Variants in TESK2 observed in about 807,000 individuals in gnomAD.
TESK2 encodes dual specificity testis-specific protein kinase 2.
In TESK2, 39 loss-of-function variants were observed where a neutral mutation model predicts 57.1. That is an observed-to-expected ratio of 0.68 (90% CI 0.53 to 0.89). The LOEUF (loss-of-function observed/expected upper bound fraction) is 0.89, where lower values mean the gene tolerates loss of function less well. Ranked by LOEUF, TESK2 falls within the 40% of genes least tolerant of loss-of-function variation. The probability of loss-of-function intolerance (pLI) is 0.00; values close to 1 mark genes in which losing one functional copy is unlikely to be tolerated. For missense variants in TESK2, 646 were observed against 732.1 expected, an observed-to-expected ratio of 0.88 and a Z score of 1.36; for synonymous variants, 249 against 267.9, an observed-to-expected ratio of 0.93 and a Z score of 0.69.
intron 1 of TESK2, among the ~76,000 whole-genome samples, chr1:45,465,041 G>A (rs540831788): frequency 7.9e-5 from 12 of 151,782 alleles, no homozygotes; most frequent in East Asian, 1.9e-4. Context: ...GTTCGAGACC[G>A]GCCTGGCCAA....
intron 1 of TESK2, among the ~76,000 whole-genome samples, chr1:45,460,413 G>C (rs1570753053): frequency 6.6e-6 from 1 of 151,976 alleles, no homozygotes; most frequent in East Asian, 1.9e-4. Flanking sequence ...CCAGCTACTC[G>C]GGAAGCTGAG....
At chr1:45,487,049 G>A (rs1169392234) in intron 1 of TESK2, among the ~76,000 whole-genome samples, 4 of 151,444 alleles carry the variant, frequency 2.6e-5, no homozygotes, top group Non-Finnish European at 5.9e-5. Flanking sequence ...GGCTAGTCTC[G>A]AACTCCTGAC....
At chr1:45,411,755 G>A (rs1176472004) in intron 3 of TESK2, among the ~76,000 whole-genome samples, 1 of 152,178 alleles carries the variant, frequency 6.6e-6, no homozygotes, top group Non-Finnish European at 1.5e-5. Context: ...TGATTTAAGT[G>A]ATAACTGCCT....
chr1:45,375,385 T>C (rs1041205530), intron 4 of TESK2, among the ~76,000 whole-genome samples: 2 of 150,490 alleles, frequency 1.3e-5, no homozygotes, highest in Admixed American at 1.3e-4. Context: ...TCCAACTACC[T>C]AGAACACTTT....
chr1:45,404,809 C>T lies in TESK2; in HGVS notation c.344+16916G>A, dbSNP rs570274199. Among the ~76,000 whole-genome samples the T allele has an allele frequency of 8.5e-5, 13 of 152,128 alleles. No individual in the cohort carries two copies. In the South Asian group the frequency reaches 1.7e-3, roughly 19 times the overall value. ...CTGCCCACCTTGGCCTCCCAAAGTACTAGGATTACAGGCCTGAGCCACCAC... is the reference window on the plus strand; with the variant it reads ...CTGCCCACCTTGGCCTCCCAAAGTATTAGGATTACAGGCCTGAGCCACCAC... On this transcript the variant is annotated intron_variant, in intron 3 of 10. Transcript: ENST00000372086.
rs5773871 is a variant in TESK2 at position 45,394,679 on chromosome 1, C to CTTT, written c.345-8722_345-8720dup. 7.9e-3 allele frequency among the ~76,000 whole-genome samples: 452 copies of CTTT among 57,404 alleles called. 44 individuals carry two copies. Among genetic ancestry groups the CTTT allele is most frequent in the African/African-American group, 0.024 (328 of 13,518 alleles). 37.7% of individuals were successfully genotyped at this position (57,404 alleles called of 152,430 possible). On this transcript the variant is annotated intron_variant, in intron 3 of 10. Transcript: ENST00000372086. The stretch of plus-strand genomic sequence containing the variant: ...AAGATAGTAAGACCAACAGGAAACT[C>CTTT]TTTTTTTTTTTTTTTTTTTTTTTTT...
At chr1:45,415,064 C>A (rs1338697351) in intron 3 of TESK2, 1 of 1,306,852 alleles carries the variant, frequency 7.7e-7, no homozygotes, top group Non-Finnish European at 1.1e-6. Context: ...AGTCAAACAG[C>A]GAGCCCTTGG....
chr1:45,379,435 G>T (rs569892773), intron 4 of TESK2, among the ~76,000 whole-genome samples: 16 of 152,238 alleles, frequency 1.1e-4, no homozygotes, highest in African/African-American at 3.9e-4. Flanking sequence ...CAAAGTGCTG[G>T]GGTCACAGGT....
intron 2 of TESK2, among the ~76,000 whole-genome samples, chr1:45,438,120 C>A (rs1395790977): frequency 3.3e-5 from 5 of 152,200 alleles, no homozygotes; most frequent in African/African-American, 1.2e-4. Context: ...CTGCCCAGTT[C>A]TTAGCCATCT....
At chr1:45,394,288 G>A (rs1484255966) in intron 3 of TESK2, among the ~76,000 whole-genome samples, 2 of 149,374 alleles carry the variant, frequency 1.3e-5, no homozygotes, top group African/African-American at 4.9e-5. Flanking sequence ...TCAGCCTCCT[G>A]AGCAGCTGGG....
intron 4 of TESK2, among the ~76,000 whole-genome samples, chr1:45,368,212 C>T (rs1648024297): frequency 6.6e-6 from 1 of 151,346 alleles, no homozygotes; most frequent in Non-Finnish European, 1.5e-5. Context: ...CCAGGCTGGT[C>T]TTGAACTCCT....
chr1:45,413,809 G>T (rs1178306621), intron 3 of TESK2: 1 of 455,982 alleles, frequency 2.2e-6, no homozygotes, highest in Non-Finnish European at 4.4e-6. Context: ...CCAAGAGATG[G>T]ATTCTTCCCA....
intron 5 of TESK2, among the ~76,000 whole-genome samples, chr1:45,351,807 G>A (rs1647237032): frequency 6.8e-6 from 1 of 147,664 alleles, no homozygotes; most frequent in African/African-American, 2.5e-5. Flanking sequence ...CAAGCCCTTC[G>A]CCCTTCCCTG....
At chr1:45,366,489 T>C (rs1323847258) in intron 4 of TESK2, among the ~76,000 whole-genome samples, 2 of 152,078 alleles carry the variant, frequency 1.3e-5, no homozygotes. Context: ...TCCCAGTACT[T>C]TGGGAGGCTG....
At chr1:45,371,272 G>GA (rs1265597180) in intron 4 of TESK2, among the ~76,000 whole-genome samples, 1 of 152,120 alleles carries the variant, frequency 6.6e-6, no homozygotes, top group Admixed American at 6.5e-5. Flanking sequence ...CAAAAGTCTG[G>GA]AAAGTAAGGT....
chr1:45,452,461 T>G (rs1338894435), intron 2 of TESK2, among the ~76,000 whole-genome samples: 1 of 152,040 alleles, frequency 6.6e-6, no homozygotes, highest in Non-Finnish European at 1.5e-5. Flanking sequence ...AGAACATAAG[T>G]GAACAAGTTT....
At chr1:45,433,562 C>T (rs1347200422) in intron 2 of TESK2, among the ~76,000 whole-genome samples, 1 of 152,206 alleles carries the variant, frequency 6.6e-6, no homozygotes, top group Non-Finnish European at 1.5e-5. Flanking sequence ...TGGCTTATTT[C>T]ACTTAACATA....
chr1:45,456,220 A>T lies in TESK2; in HGVS notation c.222+1344T>A, dbSNP rs28677045. Reference sequence around the variant, plus strand: ...CAAAAAATAAAATAAAATAAAATAAAATAATAGAATAAAATAGGTTGGGCG... The same window carrying T: ...CAAAAAATAAAATAAAATAAAATAATATAATAGAATAAAATAGGTTGGGCG... On this transcript the variant is annotated intron_variant, in intron 2 of 10. Transcript: ENST00000372086. Among the ~76,000 whole-genome samples the T allele has an allele frequency of 6.7e-3, 1,013 of 151,654 alleles. 4 individuals are homozygous for T. Among genetic ancestry groups the T allele is most frequent in the Non-Finnish European group, 7.9e-3 (534 of 67,874 alleles).
chr1:45,458,013 C>T, intron 1 of TESK2, 142 bp from the exon 2 acceptor site: 1 of 498,186 alleles, frequency 2.0e-6, no homozygotes, highest in Non-Finnish European at 3.6e-6. Context: ...TCTTTACCCT[C>T]AAATAACACT....
Sources: allele counts gnomAD v4.1 joint callset (sites outside exome capture counted in the v4.1 genomes callset), GRCh38; gene constraint gnomAD v4.1.1; transcripts MANE v1.5; gene names NCBI Gene and HGNC (gene_info 2026-07-23, HGNC 2026-07-21).